SEMA3A: variants seen among roughly 807,000 people sequenced by gnomAD.
SEMA3A encodes semaphorin 3A, also known as semaphorin-3A.
SEMA3A carries 29 observed loss-of-function variants against 97.9 expected under a neutral mutation model. That is an observed-to-expected ratio of 0.30 (90% CI 0.22 to 0.40). The LOEUF (loss-of-function observed/expected upper bound fraction) is 0.40, where lower values mean the gene tolerates loss of function less well. SEMA3A is among the 10% of genes least tolerant of loss of function. The pLI, the probability that SEMA3A is intolerant of heterozygous loss-of-function variation, is 1.00. For synonymous variants in SEMA3A, 321 were observed against 323.7 expected, an observed-to-expected ratio of 0.99 and a Z score of 0.09; for missense variants, 763 against 951.3, an observed-to-expected ratio of 0.80 and a Z score of 2.60.
intron 3 of SEMA3A, among the ~76,000 whole-genome samples, chr7:84,117,419 C>A (rs538568515): frequency 6.6e-6 from 1 of 152,226 alleles, no homozygotes; most frequent in East Asian, 1.9e-4. Context: ...CTCAGTCTTA[C>A]AATTTAGAGC....
At chr7:84,314,976 A>C (rs2115883495) in intron 2 of SEMA3A, among the ~76,000 whole-genome samples, 1 of 152,308 alleles carries the variant, frequency 6.6e-6, no homozygotes, top group African/African-American at 2.4e-5. Context: ...CTATAAAATC[A>C]TGAAGAATAA....
chr7:84,260,897 T>C (rs1166759058), intron 3 of SEMA3A, among the ~76,000 whole-genome samples: 1 of 152,198 alleles, frequency 6.6e-6, no homozygotes, highest in Non-Finnish European at 1.5e-5. Flanking sequence ...TCCTGAAGCC[T>C]GAGGCCCAGA....
chr7:84,407,144 G>A (rs1804116226), intron 1 of SEMA3A, among the ~76,000 whole-genome samples: 1 of 152,016 alleles, frequency 6.6e-6, no homozygotes, highest in Non-Finnish European at 1.5e-5. Context: ...TTGTATATCT[G>A]GAAAACCCCA....
intron 4 of SEMA3A, among the ~76,000 whole-genome samples, chr7:84,077,147 T>G (rs1349534445): frequency 6.6e-5 from 10 of 152,064 alleles, no homozygotes; most frequent in Non-Finnish European, 1.0e-4. Flanking sequence ...TACAACATTT[T>G]GCCCCAGTGA....
At chr7:84,176,407 T>G (rs771785545) in intron 1 of SEMA3A, among the ~76,000 whole-genome samples, 14 of 152,264 alleles carry the variant, frequency 9.2e-5, no homozygotes, top group Non-Finnish European at 2.1e-4. Context: ...TTGTATTTAA[T>G]GGAAAACATA....
chr7:84,453,567 A>G (rs548894149), intron 1 of SEMA3A, among the ~76,000 whole-genome samples: 3 of 152,208 alleles, frequency 2.0e-5, no homozygotes, highest in Non-Finnish European at 2.9e-5. Context: ...GATAGAGACA[A>G]TGCATCCTGA....
chr7:84,017,499 A>G (rs532841270), intron 6 of SEMA3A, among the ~76,000 whole-genome samples: 1 of 152,304 alleles, frequency 6.6e-6, no homozygotes, highest in Non-Finnish European at 1.5e-5. Flanking sequence ...CAAGAAAAAC[A>G]TTGTCAATTT....
intron 3 of SEMA3A, among the ~76,000 whole-genome samples, chr7:84,219,141 A>G (rs1798816994): frequency 6.6e-6 from 1 of 152,166 alleles, no homozygotes; most frequent in Non-Finnish European, 1.5e-5. Context: ...CCAGTGACAA[A>G]AAAATCATCT....
chr7:84,135,441 T>A (rs1796097384), intron 1 of SEMA3A, among the ~76,000 whole-genome samples: 1 of 152,084 alleles, frequency 6.6e-6, no homozygotes, highest in Non-Finnish European at 1.5e-5. Context: ...GTTATATTCC[T>A]ATTTGCTGGT....
chr7:84,214,448 C>T (rs1442612363), intron 3 of SEMA3A, among the ~76,000 whole-genome samples: 1 of 152,128 alleles, frequency 6.6e-6, no homozygotes, highest in Non-Finnish European at 1.5e-5. Context: ...CTTTAAATTA[C>T]ATTTATTAGA....
chr7:84,033,564 A>G (rs563844012), intron 6 of SEMA3A, among the ~76,000 whole-genome samples: 54 of 152,208 alleles, frequency 3.5e-4, no homozygotes, highest in Non-Finnish European at 7.1e-4. Context: ...ATCACAAATG[A>G]GCAGTAAATT....
chr7:84,178,575 A>G (rs1797645583), intron 1 of SEMA3A, among the ~76,000 whole-genome samples: 1 of 152,160 alleles, frequency 6.6e-6, no homozygotes, highest in African/African-American at 2.4e-5. Context: ...TCTGATTCCT[A>G]AAACCAAGCT....
intron 4 of SEMA3A, among the ~76,000 whole-genome samples, chr7:84,095,573 T>C (rs11976558): frequency 0.41 from 61,429 of 149,400 alleles, 14,512 homozygotes; most frequent in Non-Finnish European, 0.52. Flanking sequence ...CCCTATGTCT[T>C]ATGTCAACTA....
intron 2 of SEMA3A, among the ~76,000 whole-genome samples, chr7:84,361,939 T>C (rs1216106095): frequency 2.0e-5 from 3 of 151,994 alleles, no homozygotes; most frequent in African/African-American, 2.4e-5. Context: ...ATGATAGTTT[T>C]TTGAATTCTT....
chr7:84,146,719 G>A (rs1303366138), intron 1 of SEMA3A, among the ~76,000 whole-genome samples: 1 of 152,144 alleles, frequency 6.6e-6, no homozygotes, highest in Non-Finnish European at 1.5e-5. Context: ...TAAAAATTTA[G>A]AATTAAAGTG....
intron 3 of SEMA3A, among the ~76,000 whole-genome samples, chr7:84,271,839 C>T (rs150365763): frequency 6.6e-6 from 1 of 152,198 alleles, no homozygotes; most frequent in Non-Finnish European, 1.5e-5. Context: ...CCAGAAAGCA[C>T]AGTATCAACC....
intron 5 of SEMA3A, among the ~76,000 whole-genome samples, chr7:84,055,836 G>T (rs1436171838): frequency 6.6e-6 from 1 of 152,052 alleles, no homozygotes; most frequent in Non-Finnish European, 1.5e-5. Context: ...ATGTTATTCT[G>T]CAATTATTCA....
chr7:84,358,695 G>C (rs894693310), intron 2 of SEMA3A, among the ~76,000 whole-genome samples: 1 of 152,048 alleles, frequency 6.6e-6, no homozygotes, highest in Non-Finnish European at 1.5e-5. Flanking sequence ...TAGCTTGATG[G>C]GGATGGCATT....
chr7:84,052,376 C>T (rs528088207), intron 5 of SEMA3A, among the ~76,000 whole-genome samples: 72 of 152,266 alleles, frequency 4.7e-4, no homozygotes, highest in African/African-American at 1.5e-3. Flanking sequence ...TTGATTATTG[C>T]CACAATTTCA....
Sources: gnomAD v4.1 joint callset for allele counts (sites outside exome capture counted in the v4.1 genomes callset) on GRCh38, gnomAD v4.1.1 for gene constraint, MANE v1.5 for transcripts, NCBI Gene and HGNC (gene_info 2026-07-23, HGNC 2026-07-21) for gene names.